NRG1: variants seen among roughly 807,000 people sequenced by gnomAD.
NRG1 encodes the protein pro-neuregulin-1, membrane-bound isoform.
Under a neutral mutation model 63.8 loss-of-function variants are expected in NRG1, and 18 were observed. The ratio of observed to expected loss-of-function variants is 0.28; its 90% CI spans 0.19 to 0.42. The LOEUF is 0.42. Among genes scored for constraint, NRG1 ranks in the 10% least tolerant of loss-of-function variants. The probability of loss-of-function intolerance (pLI) is 1.00; values close to 1 mark genes in which losing one functional copy is unlikely to be tolerated. For missense variants in NRG1, 762 were observed against 814.7 expected, an observed-to-expected ratio of 0.94 and a Z score of 0.79; for synonymous variants, 302 against 301.3, an observed-to-expected ratio of 1.00 and a Z score of -0.02.
chr8:32,469,827 G>A (rs375999730), intron 1 of NRG1, among the ~76,000 whole-genome samples: 5 of 152,256 alleles, frequency 3.3e-5, no homozygotes, highest in African/African-American at 7.2e-5. Context: ...ATTGGGAAAT[G>A]TTTAATCCAC....
chr8:31,819,423 A>G (rs1823791345), intron 1 of NRG1, among the ~76,000 whole-genome samples: 1 of 152,162 alleles, frequency 6.6e-6, no homozygotes, highest in South Asian at 2.1e-4. Context: ...AATGTTGGAT[A>G]TGTATTTTGT....
chr8:32,526,460 G>T (rs1830855005), intron 1 of NRG1, among the ~76,000 whole-genome samples: 1 of 152,146 alleles, frequency 6.6e-6, no homozygotes, highest in Non-Finnish European at 1.5e-5. Context: ...CATTCTATTG[G>T]CTAAAAGCAA....
At chr8:31,858,873 C>T (rs1207789228) in intron 1 of NRG1, among the ~76,000 whole-genome samples, 2 of 152,164 alleles carry the variant, frequency 1.3e-5, no homozygotes, top group Non-Finnish European at 2.9e-5. Context: ...TTGCCATATT[C>T]ACCTGATCTC....
At chr8:31,901,859 G>A (rs1054094001) in intron 1 of NRG1, among the ~76,000 whole-genome samples, 1 of 152,042 alleles carries the variant, frequency 6.6e-6, no homozygotes, top group African/African-American at 2.4e-5. Flanking sequence ...TTGTTTCCTT[G>A]TCAAATGAAC....
intron 11 of NRG1, 84 bp from the exon 12 acceptor site, chr8:32,763,664 T>C: frequency 7.6e-7 from 1 of 1,308,518 alleles, no homozygotes; most frequent in South Asian, 1.4e-5. Flanking sequence ...GATGATATAA[T>C]ACCGTGAACT....
At chr8:31,691,708 A>T (rs1304148042) in intron 1 of NRG1, among the ~76,000 whole-genome samples, 3 of 151,512 alleles carry the variant, frequency 2.0e-5, no homozygotes, top group African/African-American at 7.3e-5. Context: ...TTCTTATGCA[A>T]TTACTTCTTT....
chr8:32,575,499 G>A (rs1483004584), intron 1 of NRG1, among the ~76,000 whole-genome samples: 1 of 151,920 alleles, frequency 6.6e-6, no homozygotes, highest in Non-Finnish European at 1.5e-5. Context: ...TAGGGCATGA[G>A]TAAAGGAAAA....
At chr8:31,922,120 C>T (rs1397071526) in intron 1 of NRG1, among the ~76,000 whole-genome samples, 2 of 152,188 alleles carry the variant, frequency 1.3e-5, no homozygotes, top group Non-Finnish European at 2.9e-5. Flanking sequence ...ACAAGCTTTA[C>T]CTACATCAGG....
At chr8:32,510,523 T>C (rs982152596) in intron 1 of NRG1, among the ~76,000 whole-genome samples, 1 of 152,098 alleles carries the variant, frequency 6.6e-6, no homozygotes, top group African/African-American at 2.4e-5. Context: ...AATAAAAAAG[T>C]ACCCAGAAGT....
intron 1 of NRG1, among the ~76,000 whole-genome samples, chr8:31,920,798 T>C (rs116704573): frequency 6.6e-6 from 1 of 152,148 alleles, no homozygotes; most frequent in African/African-American, 2.4e-5. Flanking sequence ...TTAACAGCAT[T>C]TGGTAAGTTG....
At chr8:31,780,024 G>A (rs1819526486) in intron 1 of NRG1, among the ~76,000 whole-genome samples, 1 of 152,152 alleles carries the variant, frequency 6.6e-6, no homozygotes, top group Admixed American at 6.5e-5. Context: ...GACACCTGAG[G>A]CTCTCTGATA....
intron 1 of NRG1, among the ~76,000 whole-genome samples, chr8:31,853,473 C>G (rs1827481648): frequency 6.7e-6 from 1 of 149,748 alleles, no homozygotes; most frequent in African/African-American, 2.5e-5. Flanking sequence ...TATCCTGAGA[C>G]TTTGCTGAAG....
In NRG1 at chr8:32,699,382, T is replaced by C. The variant is rs537876560; in HGVS notation, c.503-28567T>C. On this transcript the variant is annotated intron_variant, in intron 5 of 11. Transcript: ENST00000356819. ...GGAAATCAGTAAATTAGAGCAGTTG[T>C]CAGACCCAGATTCTGATTAGCTAAA... Among the ~76,000 whole-genome samples the C allele has an allele frequency of 8.5e-5, 13 of 152,312 alleles. 1 individual carries two copies. The South Asian group carries it at 2.7e-3, about 32-fold the overall frequency.
At chr8:32,552,850 A>G (rs147318610) in intron 1 of NRG1, among the ~76,000 whole-genome samples, 11 of 152,280 alleles carry the variant, frequency 7.2e-5, no homozygotes, top group African/African-American at 2.6e-4. Flanking sequence ...AGAGAACCAA[A>G]AAATATTAGA....
At position 31,824,173 on chromosome 8, in the gene NRG1, C is replaced by A. The variant is rs1449797652; in HGVS notation, c.37+184742C>A. Among the ~76,000 whole-genome samples the A allele has an allele frequency of 4.1e-5, 5 of 122,730 alleles. No homozygotes were observed. The South Asian group carries it at 1.0e-3, about 26-fold the overall frequency. The allele number at this position is 122,730 out of a possible 152,430, so 80.5% of individuals were successfully genotyped here. Reference sequence around the variant, plus strand: ...CTAATGCTATCCTTCCCCCCTCCCCCCTCCCCCCACCCCACAACAGGCCCT... The same window carrying A: ...CTAATGCTATCCTTCCCCCCTCCCCACTCCCCCCACCCCACAACAGGCCCT... On this transcript the variant is annotated intron_variant, in intron 1 of 10. Coordinates refer to the NRG1 transcript ENST00000519301.
chr8:32,728,159 C>CT, intron 6 of NRG1, 81 bp downstream of exon 6: 1 of 1,568,556 alleles, frequency 6.4e-7, no homozygotes, highest in South Asian at 1.2e-5. Flanking sequence ...TGTATTGTTG[C>CT]TTTTTTTCCA....
rs1849611119 is a variant in NRG1 at position 32,255,625 on chromosome 8, C to A, written c.38-340203C>A. On this transcript the variant is annotated intron_variant, in intron 1 of 10. Coordinates refer to the NRG1 transcript ENST00000519301. ...TTTGTGGGCAACTTGACCTTTCTCT[C>A]TGGCTGCCCTTAACATTTTTTCCTT... is the stretch of plus-strand genomic sequence containing the variant. Among the ~76,000 whole-genome samples, 3 of 152,226 alleles carry A rather than the reference C, an allele frequency of 2.0e-5. No individual in the cohort carries two copies. In the South Asian group the frequency reaches 6.2e-4, roughly 32 times the overall value.
upstream of NRG1, among the ~76,000 whole-genome samples, chr8:32,547,613 A>ACACACT (rs1233860468): frequency 2.8e-5 from 4 of 145,164 alleles, no homozygotes; most frequent in Non-Finnish European, 6.3e-5. Flanking sequence ...ACACACACAC[A>ACACACT]CACACACACA....
At chr8:32,457,340 G>T (rs1457470018) in intron 1 of NRG1, among the ~76,000 whole-genome samples, 1 of 152,066 alleles carries the variant, frequency 6.6e-6, no homozygotes, top group Non-Finnish European at 1.5e-5. Context: ...ATGGTGTCCA[G>T]TCATGTATGG....
Sources: gnomAD v4.1 joint callset for allele counts (sites outside exome capture counted in the v4.1 genomes callset) on GRCh38, gnomAD v4.1.1 for gene constraint, MANE v1.5 for transcripts, NCBI Gene and HGNC (gene_info 2026-07-23, HGNC 2026-07-21) for gene names.